The following EXOC1 variants were observed in gnomAD, a reference collection of about 807,000 sequenced individuals.
EXOC1 encodes the protein exocyst complex component 1, also known as SEC3-like 1.
In EXOC1, 67 loss-of-function variants were observed where a neutral mutation model predicts 107.7. That is an observed-to-expected ratio of 0.62 (90% CI 0.51 to 0.76). EXOC1 has a LOEUF of 0.76. Among genes scored for constraint, EXOC1 ranks in the 30% least tolerant of loss-of-function variants. EXOC1 has a pLI of 0.00. For synonymous variants in EXOC1, 348 were observed against 353.5 expected, an observed-to-expected ratio of 0.98 and a Z score of 0.17; for missense variants, 833 against 1,055.7, an observed-to-expected ratio of 0.79 and a Z score of 2.92.
chr4:55,866,559 A>G (rs1721974005), intron 4 of EXOC1, among the ~76,000 whole-genome samples: 2 of 152,184 alleles, frequency 1.3e-5, no homozygotes, highest in Non-Finnish European at 2.9e-5. Context: ...TATAATCCCC[A>G]GGAAATGATT....
chr4:55,883,854 A>C lies in EXOC1; in HGVS notation c.1256A>C (p.Glu419Ala). 1.9e-6 allele frequency: 3 copies of C among 1,603,784 alleles called. No individual in the cohort carries two copies. The highest frequency in any genetic ancestry group is 2.6e-6 in the Non-Finnish European group (3 of 1,176,040). Residue 419 changes from glutamate to alanine, a missense_variant, in exon 10 of 19, where the codon GAA (glutamate) becomes GCA (alanine). Physicochemically the swap from Glu to Ala is moderately radical, Grantham distance 107. Coordinates refer to ENST00000381295, the MANE Select transcript of EXOC1 (RefSeq NM_001024924.2). ...NYMDYLSRLYEREIKDFFEVA... is the reference protein window; with the variant it reads ...NYMDYLSRLYAREIKDFFEVA... Reference sequence around the variant, plus strand: ...ATGGATTATTTATCCCGACTATATGAAAGAGAAATCAAAGATTTCTTTGAA... The same window carrying C: ...ATGGATTATTTATCCCGACTATATGCAAGAGAAATCAAAGATTTCTTTGAA...
intron 18 of EXOC1, among the ~76,000 whole-genome samples, chr4:55,903,146 T>TAAAAAAAAA (rs1560369832): frequency 4.5e-5 from 4 of 89,002 alleles, no homozygotes; most frequent in African/African-American, 2.3e-4. Context: ...CGTGTCTCAA[T>TAAAAAAAAA]TAAAAAAAAA....
rs754562716 is a variant in EXOC1, at chr4:55,883,903, C to T, written c.1305C>T (p.Gly435=). 5.6e-6 allele frequency: 9 copies of T among 1,605,146 alleles called. No homozygotes were observed. Among genetic ancestry groups the T allele is most frequent in the Non-Finnish European group, 7.6e-6 (9 of 1,176,976 alleles). ...AAGTTGCAAAGATCAAGATGACTGG[C>T]ACAACTAAAGAAAGCAAGAAGTTTG... The part of the protein sequence containing the change: ...FFEVAKIKMT[G]TTKESKKFAT... Residue 435 remains glycine, a synonymous_variant, in exon 10 of 19, where the codon GGC becomes GGT. Transcript: ENST00000381295.
At chr4:55,902,738 T>C (rs1429926860) in intron 18 of EXOC1, among the ~76,000 whole-genome samples, 200 bp downstream of exon 18, 1 of 151,538 alleles carries the variant, frequency 6.6e-6, no homozygotes, top group Non-Finnish European at 1.5e-5. Context: ...TTCGTATTTC[T>C]GCTATATTAT....
intron 8 of EXOC1, among the ~76,000 whole-genome samples, chr4:55,873,833 A>G (rs1334931932): frequency 6.6e-6 from 1 of 152,184 alleles, no homozygotes; most frequent in Non-Finnish European, 1.5e-5. Flanking sequence ...ACAAGCTGGG[A>G]AAATTGATTA....
intron 3 of EXOC1, among the ~76,000 whole-genome samples, chr4:55,861,195 G>T (rs552619020): frequency 9.2e-5 from 14 of 152,038 alleles, no homozygotes; most frequent in African/African-American, 3.1e-4. Context: ...ATTAAATTAG[G>T]TGCTTCCTCC....
Position 55,904,556 on chromosome 4 carries a change from A to G in EXOC1, c.*61A>G. 6.8e-7 allele frequency: 1 copy of G among 1,471,884 alleles called. No individual in the cohort carries two copies. Among genetic ancestry groups the G allele is most frequent in the Admixed American group, 2.3e-5 (1 of 42,790 alleles). 91.2% of individuals were successfully genotyped at this position (1,471,884 alleles called of 1,614,324 possible). On this transcript the variant is annotated 3_prime_UTR_variant, in exon 19 of 19. Transcript: ENST00000381295. ...ATTTGAGTATAACAGACACTATACC[A>G]AAATACCAAGCAACTGTTTTGAGAA...
chr4:55,871,238 G>A lies in EXOC1; in HGVS notation c.964+5G>A, dbSNP rs1722411044. 2 of 1,603,150 alleles carry A rather than the reference G, an allele frequency of 1.2e-6. No homozygotes were observed. The highest frequency in any genetic ancestry group is 2.2e-5 in the East Asian group (1 of 44,620). On this transcript the variant is annotated splice_donor_5th_base_variant and intron_variant, in intron 7 of 18. Transcript: ENST00000381295. ...TGAATGTAGCTCTTCGACCAGGTAT[G>A]TTCATTAGAAATGACAAAAATGTGA...
intron 3 of EXOC1, among the ~76,000 whole-genome samples, chr4:55,860,852 A>G (rs540906935): frequency 6.6e-6 from 1 of 152,138 alleles, no homozygotes; most frequent in Non-Finnish European, 1.5e-5. Context: ...TCAAAATCAT[A>G]TAACCAAAGT....
chr4:55,883,908 C>G lies in EXOC1; in HGVS notation c.1310C>G (p.Thr437Ser). ...EVAKIKMTGTTKESKKFATLP... is the reference protein window; with the variant it reads ...EVAKIKMTGTSKESKKFATLP... ...GCAAAGATCAAGATGACTGGCACAA[C>G]TAAAGAAAGCAAGAAGTTTGGTAAG... The change falls in exon 10 of 19, where the codon ACT becomes AGT. Residue 437 changes from threonine (T) to serine (S), a missense_variant. Coordinates refer to ENST00000381295, the MANE Select transcript of EXOC1 (RefSeq NM_001024924.2). 1 of 1,604,220 alleles carries G rather than the reference C, an allele frequency of 6.2e-7. No individual in the cohort carries two copies. Among genetic ancestry groups the G allele is most frequent in the Non-Finnish European group, 8.5e-7 (1 of 1,176,794 alleles).
At chr4:55,891,918 C>G (rs1033831364) in intron 13 of EXOC1, among the ~76,000 whole-genome samples, 1 of 152,146 alleles carries the variant, frequency 6.6e-6, no homozygotes, top group Admixed American at 6.6e-5. Context: ...CCCAGCTTTC[C>G]TCTTCTGTAA....
chr4:55,894,553 T>C (rs985438323), intron 15 of EXOC1, among the ~76,000 whole-genome samples: 2 of 151,430 alleles, frequency 1.3e-5, no homozygotes, highest in African/African-American at 4.8e-5. Context: ...TTGTTATAAC[T>C]GAGCAATTAT....
intron 12 of EXOC1, among the ~76,000 whole-genome samples, chr4:55,890,799 A>C (rs2109454900): frequency 1.3e-5 from 2 of 152,296 alleles, no homozygotes; most frequent in South Asian, 4.1e-4. Flanking sequence ...GCACAGTCTC[A>C]GCTCACTGCA....
intron 15 of EXOC1, among the ~76,000 whole-genome samples, chr4:55,895,264 C>G (rs1725069039): frequency 6.6e-6 from 1 of 152,156 alleles, no homozygotes; most frequent in African/African-American, 2.4e-5. Context: ...GGGCACTTTG[C>G]ACACATTATG....
Position 55,904,554 on chromosome 4 carries a change from C to T in EXOC1, c.*59C>T. 2.0e-6 allele frequency: 3 copies of T among 1,466,300 alleles called. No individual in the cohort carries two copies. Among genetic ancestry groups the T allele is most frequent in the African/African-American group, 1.4e-5 (1 of 69,820 alleles). The allele number at this position is 1,466,300 out of a possible 1,614,324, so 90.8% of individuals were successfully genotyped here. On this transcript the variant is annotated 3_prime_UTR_variant, in exon 19 of 19. Coordinates refer to ENST00000381295, the MANE Select transcript of EXOC1 (RefSeq NM_001024924.2). ...GCATTTGAGTATAACAGACACTATA[C>T]CAAAATACCAAGCAACTGTTTTGAG...
Position 55,860,538 on chromosome 4 carries a change from C to A in EXOC1, c.252C>A (p.Ile84=). 6.2e-7 allele frequency: 1 copy of A among 1,613,722 alleles called. No homozygotes were observed. The highest frequency in any genetic ancestry group is 1.1e-5 in the South Asian group (1 of 91,046). ...DLAVVDAKDA[I]KENPEFDLHF... is the part of the protein sequence containing the mutation. ...CTGTGGTAGATGCCAAAGATGCTAT[C>A]AAAGTAGGTTTTTCTCAGTTCTTTG... Residue 84 remains isoleucine, a synonymous_variant, in exon 3 of 19, where the codon ATC becomes ATA. Coordinates refer to ENST00000381295, the MANE Select transcript of EXOC1 (RefSeq NM_001024924.2).
At chr4:55,872,629 T>TG (rs1356659705) in intron 8 of EXOC1, 5 of 190,364 alleles carry the variant, frequency 2.6e-5, no homozygotes, top group African/African-American at 1.2e-4. Context: ...AGTTATAGAA[T>TG]GAAAAAAAAT....
At chr4:55,866,171 A>G (rs80277656) in intron 4 of EXOC1, among the ~76,000 whole-genome samples, 7,417 of 152,190 alleles carry the variant, frequency 0.049, 286 homozygotes, top group Non-Finnish European at 0.067. Flanking sequence ...AAGTAAGACT[A>G]TTTTGATTAT....
At chr4:55,872,903 T>C (rs1248420404) in intron 8 of EXOC1, 1 of 362,376 alleles carries the variant, frequency 2.8e-6, no homozygotes, top group Non-Finnish European at 3.8e-6. Context: ...CTTTACAGAT[T>C]ATAACTTACT....
Sources: gnomAD v4.1 joint callset for allele counts (sites outside exome capture counted in the v4.1 genomes callset) on GRCh38, gnomAD v4.1.1 for gene constraint, MANE v1.5 for transcripts, NCBI Gene and HGNC (gene_info 2026-07-23, HGNC 2026-07-21) for gene names.